Variants in IPPK observed in about 807,000 individuals in gnomAD.
IPPK encodes the protein IPK1 homolog.
In IPPK, 22 loss-of-function variants were observed where a neutral mutation model predicts 64.6. The ratio of observed to expected loss-of-function variants is 0.34; its 90% confidence interval spans 0.24 to 0.49. The LOEUF (loss-of-function observed/expected upper bound fraction) is 0.49. Among genes scored for constraint, IPPK ranks in the 20% least tolerant of loss-of-function variants. IPPK has a pLI of 0.99. For synonymous variants in IPPK, 262 were observed against 247.2 expected (o/e 1.06, Z -0.56); for missense variants, 532 against 630.7 (o/e 0.84, Z 1.68).
At chr9:92,618,253 C>T in intron 12 of IPPK, 1 of 456,640 alleles carries the variant, frequency 2.2e-6, no homozygotes, top group South Asian at 1.5e-5. Flanking sequence ...GTGCCTACAC[C>T]CTAGGTCTGA....
At chr9:92,660,321 GA>G (rs1239425922) in intron 1 of IPPK, among the ~76,000 whole-genome samples, 1 of 152,182 alleles carries the variant, frequency 6.6e-6, no homozygotes, top group African/African-American at 2.4e-5. Flanking sequence ...AACACAATAA[GA>G]AAATACATTA....
intron 11 of IPPK, among the ~76,000 whole-genome samples, chr9:92,627,604 C>G (rs748251412): frequency 6.6e-6 from 1 of 152,180 alleles, no homozygotes; most frequent in Non-Finnish European, 1.5e-5. Flanking sequence ...ACAAAAACCA[C>G]ATGATAATCT....
chr9:92,647,973 T>C (rs1175975452), intron 6 of IPPK, 86 bp downstream of exon 6: 3 of 782,322 alleles, frequency 3.8e-6, no homozygotes. Context: ...TTTCTTTTAC[T>C]CTTCTGAAAA....
At chr9:92,641,397 C>T (rs1420211874) in intron 7 of IPPK, among the ~76,000 whole-genome samples, 3 of 151,454 alleles carry the variant, frequency 2.0e-5, no homozygotes, top group African/African-American at 7.3e-5. Context: ...GAAAGGCATC[C>T]AGTATCCACG....
At chr9:92,651,777 G>A (rs921082733) in intron 4 of IPPK, among the ~76,000 whole-genome samples, 2 of 152,164 alleles carry the variant, frequency 1.3e-5, no homozygotes, top group Admixed American at 6.5e-5. Context: ...GTACAGTGGC[G>A]TGATCTCAGC....
At chr9:92,664,726 C>A (rs1019342281) in intron 1 of IPPK, among the ~76,000 whole-genome samples, 1 of 152,324 alleles carries the variant, frequency 6.6e-6, no homozygotes, top group Non-Finnish European at 1.5e-5. Context: ...ATCTCCCAAC[C>A]GCTTGGCAAC....
chr9:92,642,957 T>G (rs952341480), intron 6 of IPPK, 147 bp from the exon 7 acceptor site: 6 of 690,454 alleles, frequency 8.7e-6, no homozygotes, highest in Non-Finnish European at 5.3e-6. Flanking sequence ...CCTTTGCAGG[T>G]GCACATCACT....
intron 12 of IPPK, 32 bp downstream of exon 12, chr9:92,619,454 C>A (rs1204241102): frequency 1.9e-6 from 3 of 1,539,726 alleles, no homozygotes; most frequent in Middle Eastern, 1.7e-4. Context: ...CCCGTTAGAC[C>A]CAGGCTGCAT....
At chr9:92,630,766 T>C (rs1392571252) in intron 11 of IPPK, among the ~76,000 whole-genome samples, 1 of 152,138 alleles carries the variant, frequency 6.6e-6, no homozygotes. Context: ...ATATTGTGTG[T>C]GGACTGGGAG....
intron 4 of IPPK, among the ~76,000 whole-genome samples, chr9:92,651,873 G>A (rs1326449338): frequency 6.6e-6 from 1 of 152,010 alleles, no homozygotes; most frequent in Non-Finnish European, 1.5e-5. Flanking sequence ...CCGCCACTAC[G>A]CCCAGCTAAT....
At chr9:92,633,667 G>A (rs1057448618) in intron 11 of IPPK, among the ~76,000 whole-genome samples, 6 of 152,204 alleles carry the variant, frequency 3.9e-5, no homozygotes, top group Non-Finnish European at 5.9e-5. Context: ...AATGTATTCC[G>A]TAGTAATATG....
chr9:92,616,772 C>T (rs899495676), intron 12 of IPPK: 5 of 152,330 alleles, frequency 3.3e-5, no homozygotes, highest in African/African-American at 1.2e-4. Flanking sequence ...TGAGCTCTGA[C>T]TGCTGTGTGT....
At chr9:92,668,746 T>A (rs1852658278) in intron 1 of IPPK, among the ~76,000 whole-genome samples, 1 of 152,170 alleles carries the variant, frequency 6.6e-6, no homozygotes, top group African/African-American at 2.4e-5. Context: ...CACCTAAAGA[T>A]CTTGAGCAAA....
At chr9:92,631,772 C>T (rs751055504) in intron 11 of IPPK, among the ~76,000 whole-genome samples, 5 of 152,166 alleles carry the variant, frequency 3.3e-5, no homozygotes, top group African/African-American at 4.8e-5. Context: ...TACATATATG[C>T]GAGTGTGTAT....
chr9:92,637,994 GC>G lies in IPPK; in HGVS notation c.916+6del, dbSNP rs1242252159. 1 of 1,551,584 alleles carries G rather than the reference GC, an allele frequency of 6.4e-7. No individual in the cohort carries two copies. The highest frequency in any genetic ancestry group is 1.9e-5 in the Admixed American group (1 of 52,550). On this transcript the variant is annotated splice_donor_region_variant and intron_variant, in intron 9 of 12. Coordinates refer to ENST00000287996, the MANE Select transcript of IPPK (RefSeq NM_022755.6). ...CCACCGCCTACCTGGGGAAGGCTGG[GC>G]CCTACCTTGGCAGCGAAGGCTCCTA...
chr9:92,662,822 A>G (rs1852513311), intron 1 of IPPK, among the ~76,000 whole-genome samples: 1 of 152,254 alleles, frequency 6.6e-6, no homozygotes, highest in Admixed American at 6.5e-5. Context: ...CACTTACAAA[A>G]GTGGCAAAAA....
intron 11 of IPPK, among the ~76,000 whole-genome samples, chr9:92,628,937 T>C (rs1851782174): frequency 6.6e-6 from 1 of 151,626 alleles, no homozygotes. Flanking sequence ...CAAAAGAATA[T>C]TGTTGGAGCT....
At chr9:92,628,777 T>C (rs1851778428) in intron 11 of IPPK, among the ~76,000 whole-genome samples, 1 of 151,970 alleles carries the variant, frequency 6.6e-6, no homozygotes, top group African/African-American at 2.4e-5. Flanking sequence ...CTTAGGAGGC[T>C]GAGGGAGGAG....
intron 1 of IPPK, among the ~76,000 whole-genome samples, chr9:92,660,055 T>C (rs2131461325): frequency 6.6e-6 from 1 of 152,258 alleles, no homozygotes; most frequent in African/African-American, 2.4e-5. Context: ...AATGGAACTA[T>C]AATTCCACCA....
Sources: allele counts gnomAD v4.1 joint callset (sites outside exome capture counted in the v4.1 genomes callset), GRCh38; gene constraint gnomAD v4.1.1; transcripts MANE v1.5; gene names NCBI Gene and HGNC (gene_info 2026-07-23, HGNC 2026-07-21).